Variants in RAPGEF5 observed in about 807,000 individuals in gnomAD.
RAPGEF5 encodes the protein M-Ras-regulated GEF.
RAPGEF5 carries 65 observed loss-of-function variants against 125.2 expected under a neutral mutation model. The observed-to-expected ratio is 0.52, with a 90% CI of 0.43 to 0.64. The LOEUF is 0.64. Ranked by LOEUF, RAPGEF5 falls within the 30% of genes least tolerant of loss-of-function variation. RAPGEF5 has a pLI of 0.00. For missense variants in RAPGEF5, 958 were observed against 1,048.1 expected (o/e 0.91, Z 1.19); for synonymous variants, 391 against 385.9 (o/e 1.01, Z -0.16).
At chr7:22,219,737 T>C (rs1785732706) in intron 9 of RAPGEF5, 129 bp downstream of exon 9, 4 of 1,284,484 alleles carry the variant, frequency 3.1e-6, no homozygotes. Context: ...AGGAGGATGC[T>C]CTTGGGGGGA....
intron 1 of RAPGEF5, among the ~76,000 whole-genome samples, chr7:22,342,023 C>T (rs1211328059): frequency 1.3e-5 from 2 of 152,188 alleles, no homozygotes; most frequent in East Asian, 1.9e-4. Flanking sequence ...ATTCCCCTTC[C>T]ACAATGCCCT....
chr7:22,179,757 T>C (rs1487808556), intron 11 of RAPGEF5, among the ~76,000 whole-genome samples: 2 of 152,184 alleles, frequency 1.3e-5, no homozygotes, highest in Non-Finnish European at 2.9e-5. Flanking sequence ...ATGCTAATTA[T>C]GATACAATCG....
chr7:22,351,050 G>GA (rs1262554963), intron 1 of RAPGEF5, among the ~76,000 whole-genome samples: 1 of 152,212 alleles, frequency 6.6e-6, no homozygotes, highest in African/African-American at 2.4e-5. Context: ...TAAGCTGGGT[G>GA]AATTCACAAG....
At chr7:22,338,664 C>T (rs560674678) in intron 1 of RAPGEF5, among the ~76,000 whole-genome samples, 1 of 152,302 alleles carries the variant, frequency 6.6e-6, no homozygotes, top group South Asian at 2.1e-4. Context: ...GACCATGTAA[C>T]ATGCTTTGAC....
At chr7:22,262,153 G>A (rs1462203650) in intron 7 of RAPGEF5, among the ~76,000 whole-genome samples, 1 of 151,936 alleles carries the variant, frequency 6.6e-6, no homozygotes. Context: ...TTGCCAACCA[G>A]TCCTTATCAA....
intron 1 of RAPGEF5, among the ~76,000 whole-genome samples, chr7:22,328,301 C>A (rs772229220): frequency 1.3e-5 from 2 of 152,220 alleles, no homozygotes; most frequent in Non-Finnish European, 2.9e-5. Flanking sequence ...TGGACATGGG[C>A]TATTTCATTC....
chr7:22,269,691 A>G (rs563772959), intron 6 of RAPGEF5, among the ~76,000 whole-genome samples: 69 of 152,194 alleles, frequency 4.5e-4, no homozygotes, highest in African/African-American at 1.6e-3. Flanking sequence ...GAAAACTAAA[A>G]CTCTGAGCAA....
intron 23 of RAPGEF5, among the ~76,000 whole-genome samples, chr7:22,133,378 A>C (rs1406203942): frequency 6.6e-6 from 1 of 152,160 alleles, no homozygotes; most frequent in African/African-American, 2.4e-5. Context: ...GAAACAAATG[A>C]GAGGTTGGGC....
chr7:22,194,094 G>A (rs543134696), intron 9 of RAPGEF5, 61 bp from the exon 10 acceptor site: 125 of 1,435,358 alleles, frequency 8.7e-5, no homozygotes, highest in Middle Eastern at 5.4e-4. Context: ...AATTAAAAGT[G>A]GGGGGAAAAT....
At chr7:22,158,409 G>A (rs115883722) in intron 14 of RAPGEF5, among the ~76,000 whole-genome samples, 3,570 of 152,172 alleles carry the variant, frequency 0.023, 51 homozygotes, top group Middle Eastern at 0.065. Context: ...GCCCTCTGAA[G>A]GCCAGCTCCA....
chr7:22,254,690 T>C (rs758974583), intron 7 of RAPGEF5, among the ~76,000 whole-genome samples: 7 of 151,592 alleles, frequency 4.6e-5, no homozygotes, highest in Non-Finnish European at 1.0e-4. Flanking sequence ...CAGGGACCAG[T>C]TTCACGGAAG....
At chr7:22,198,004 C>T (rs1182134994) in intron 9 of RAPGEF5, among the ~76,000 whole-genome samples, 1 of 151,820 alleles carries the variant, frequency 6.6e-6, no homozygotes, top group Non-Finnish European at 1.5e-5. Flanking sequence ...ATCCTCCCAT[C>T]TCAGCCTCCT....
At chr7:22,158,048 T>C (rs1783868428) in intron 14 of RAPGEF5, among the ~76,000 whole-genome samples, 163 bp from the exon 15 acceptor site, 1 of 152,196 alleles carries the variant, frequency 6.6e-6, no homozygotes, top group African/African-American at 2.4e-5. Flanking sequence ...CATTTGACAT[T>C]GGGCTCTGAA....
At chr7:22,356,096 C>A (rs1051800817) in intron 1 of RAPGEF5, 1 of 985,414 alleles carries the variant, frequency 1.0e-6, no homozygotes, top group Non-Finnish European at 1.2e-6. Flanking sequence ...AATCAGCAGA[C>A]CTTCCTGCTT....
intron 1 of RAPGEF5, among the ~76,000 whole-genome samples, chr7:22,355,617 T>C (rs1284366140): frequency 6.6e-6 from 1 of 152,126 alleles, no homozygotes; most frequent in Non-Finnish European, 1.5e-5. Context: ...GAATGTCCCA[T>C]CACACACAGA....
chr7:22,259,812 G>A (rs1042704232), intron 7 of RAPGEF5, among the ~76,000 whole-genome samples: 9 of 152,172 alleles, frequency 5.9e-5, no homozygotes, highest in African/African-American at 2.2e-4. Context: ...AAGATTAATG[G>A]TTGTCTCGAA....
intron 7 of RAPGEF5, among the ~76,000 whole-genome samples, chr7:22,241,308 T>TA (rs1786324913): frequency 6.6e-6 from 1 of 152,178 alleles, no homozygotes; most frequent in Admixed American, 6.5e-5. Flanking sequence ...AGTGGAATTT[T>TA]AAAACATACA....
chr7:22,351,140 GTTGTTTGT>G (rs775375969), intron 1 of RAPGEF5, among the ~76,000 whole-genome samples: 17 of 152,232 alleles, frequency 1.1e-4, no homozygotes, highest in African/African-American at 3.9e-4. Context: ...TTGTATTTTA[GTTGTTTGT>G]TTGTTTGTTT....
rs1325434474 is a variant in RAPGEF5 at position 22,338,629 on chromosome 7, C to T, written c.231+18201G>A. On this transcript the variant is annotated intron_variant, in intron 1 of 25. Coordinates refer to ENST00000665637, the MANE Select transcript of RAPGEF5 (RefSeq NM_012294.5). ...CTTCAAGACTCCTGGGAGGATGACACTTTGTTGGTCCCTTAAATGACTGAG... is the reference window on the plus strand; with the variant it reads ...CTTCAAGACTCCTGGGAGGATGACATTTTGTTGGTCCCTTAAATGACTGAG... Among the ~76,000 whole-genome samples the T allele has an allele frequency of 2.0e-5, 3 of 152,180 alleles. No homozygotes were observed. The East Asian group carries it at 5.8e-4, about 29-fold the overall frequency.
Sources: allele counts gnomAD v4.1 joint callset (sites outside exome capture counted in the v4.1 genomes callset), GRCh38; gene constraint gnomAD v4.1.1; transcripts MANE v1.5; gene names NCBI Gene and HGNC (gene_info 2026-07-23, HGNC 2026-07-21).